KCNIP4: variants seen among roughly 807,000 people sequenced by gnomAD.
KCNIP4 encodes the protein potassium voltage-gated channel interacting protein 4.
KCNIP4 carries 12 observed loss-of-function variants against 34.0 expected under a neutral mutation model. That is an observed-to-expected ratio of 0.35 (90% CI 0.23 to 0.57). The LOEUF (loss-of-function observed/expected upper bound fraction) is 0.57. KCNIP4 is among the 20% of genes least tolerant of loss of function. The pLI, the probability that KCNIP4 is intolerant of heterozygous loss-of-function variation, is 0.83. For synonymous variants in KCNIP4, 124 were observed against 102.2 expected, an observed-to-expected ratio of 1.21 and a Z score of -1.29; for missense variants, 238 against 311.7, an observed-to-expected ratio of 0.76 and a Z score of 1.78.
intron 2 of KCNIP4, among the ~76,000 whole-genome samples, chr4:20,876,045 C>G (rs932119820): frequency 1.3e-5 from 2 of 152,056 alleles, no homozygotes; most frequent in African/African-American, 4.8e-5. Context: ...CCCATTTCTG[C>G]TCAAATAAAA....
rs114399366 is a variant in KCNIP4 at position 20,962,335 on chromosome 4, C to T, written c.62-79626G>A. Among the ~76,000 whole-genome samples, 937 of 152,308 alleles carry T rather than the reference C, an allele frequency of 6.2e-3. 13 individuals are homozygous for T. The highest frequency in any genetic ancestry group is 0.021 in the African/African-American group (888 of 41,572). On this transcript the variant is annotated intron_variant, in intron 1 of 8. Coordinates refer to ENST00000382152, the MANE Select transcript of KCNIP4 (RefSeq NM_025221.6). ...ACTCCCGACTGGGAGGCTGAGTCTG[C>T]CTAATTGTGGACCTAACCTGCAGGT... is the stretch of plus-strand genomic sequence containing the variant.
In KCNIP4 at chr4:21,935,762, T is replaced by G. The variant is rs902110248; in HGVS notation, c.61+12809A>C. Reference sequence around the variant, plus strand: ...TTCTCAGGCCAAATAATTATAAAAATGACCACAACTCACATTTATAGGGCC... The same window carrying G: ...TTCTCAGGCCAAATAATTATAAAAAGGACCACAACTCACATTTATAGGGCC... On this transcript the variant is annotated intron_variant, in intron 1 of 8. Transcript: ENST00000382152. Among the ~76,000 whole-genome samples, 10 of 152,198 alleles carry G rather than the reference T, an allele frequency of 6.6e-5. No individual in the cohort carries two copies. The East Asian group carries it at 1.9e-3, about 29-fold the overall frequency.
intron 1 of KCNIP4, among the ~76,000 whole-genome samples, chr4:20,977,189 G>A (rs1408806789): frequency 6.6e-6 from 1 of 152,122 alleles, no homozygotes; most frequent in Non-Finnish European, 1.5e-5. Flanking sequence ...GCTAATATGA[G>A]TAACAGCTGC....
chr4:21,236,973 T>G (rs1032413326), intron 1 of KCNIP4, among the ~76,000 whole-genome samples: 2 of 150,356 alleles, frequency 1.3e-5, no homozygotes, highest in East Asian at 2.0e-4. Flanking sequence ...GCCACTGCAC[T>G]CCAGCCTGGG....
At chr4:21,361,859 C>G (rs183735734) in intron 1 of KCNIP4, among the ~76,000 whole-genome samples, 113 of 152,132 alleles carry the variant, frequency 7.4e-4, no homozygotes, top group African/African-American at 2.6e-3. Flanking sequence ...ATATTTGTAA[C>G]TAAAATTAGC....
intron 1 of KCNIP4, among the ~76,000 whole-genome samples, chr4:21,549,976 CAATAA>C (rs1738436730): frequency 6.6e-6 from 1 of 151,940 alleles, no homozygotes; most frequent in Admixed American, 6.6e-5. Context: ...AGATTTATTC[CAATAA>C]AAGCAAGCTG....
chr4:21,295,791 ATATATTCCTT>A (rs957631031), intron 1 of KCNIP4, among the ~76,000 whole-genome samples: 3 of 152,070 alleles, frequency 2.0e-5, no homozygotes, highest in African/African-American at 4.8e-5. Context: ...ATATATTCCT[ATATATTCCTT>A]TATTTATATT....
At chr4:20,995,022 T>C (rs1737421409) in intron 1 of KCNIP4, among the ~76,000 whole-genome samples, 1 of 152,230 alleles carries the variant, frequency 6.6e-6, no homozygotes, top group Admixed American at 6.5e-5. Flanking sequence ...CCCTTCTGAA[T>C]GTCTACTTTT....
chr4:20,812,756 T>C (rs1310182505), intron 3 of KCNIP4, among the ~76,000 whole-genome samples: 1 of 152,092 alleles, frequency 6.6e-6, no homozygotes, highest in Non-Finnish European at 1.5e-5. Context: ...TTGAACTTGA[T>C]AGTATAAAGG....
At chr4:21,027,909 C>G (rs1010501299) in intron 1 of KCNIP4, among the ~76,000 whole-genome samples, 2 of 152,116 alleles carry the variant, frequency 1.3e-5, no homozygotes, top group Non-Finnish European at 2.9e-5. Flanking sequence ...TATTTCTAGT[C>G]TGAACCTCTA....
At chr4:21,914,777 G>A (rs771972282) in intron 1 of KCNIP4, among the ~76,000 whole-genome samples, 9 of 152,128 alleles carry the variant, frequency 5.9e-5, no homozygotes, top group South Asian at 4.2e-4. Context: ...GAGAGTCACC[G>A]CTGAGCTCCC....
rs77428899 is a variant in KCNIP4, at chr4:21,810,546, C to T, written c.61+138025G>A. ...TCTACTAAAAATACAAAAAACTAGC[C>T]GGGCATAGGGGCGGGCACCTGTAAT... is the stretch of plus-strand genomic sequence containing the variant. On this transcript the variant is annotated intron_variant, in intron 1 of 8. Coordinates refer to ENST00000382152, the MANE Select transcript of KCNIP4 (RefSeq NM_025221.6). 1.8e-3 allele frequency among the ~76,000 whole-genome samples: 270 copies of T among 152,048 alleles called. 2 individuals carry two copies. Among genetic ancestry groups the T allele is most frequent in the African/African-American group, 6.2e-3 (259 of 41,470 alleles).
intron 1 of KCNIP4, among the ~76,000 whole-genome samples, chr4:21,297,102 G>GTATATATA (rs35254813): frequency 7.6e-4 from 109 of 144,316 alleles, no homozygotes; most frequent in African/African-American, 2.1e-3. Flanking sequence ...TCAAATATGT[G>GTATATATA]TATATATATA....
chr4:21,457,687 A>G (rs1176536344), intron 1 of KCNIP4, among the ~76,000 whole-genome samples: 1 of 152,020 alleles, frequency 6.6e-6, no homozygotes, highest in East Asian at 1.9e-4. Context: ...GTATGGACAG[A>G]TGGAAGAAGT....
intron 8 of KCNIP4, chr4:20,731,662 A>G: frequency 2.0e-6 from 2 of 985,122 alleles, no homozygotes; most frequent in South Asian, 4.7e-5. Flanking sequence ...GATATGATAG[A>G]TAATATATGA....
chr4:20,735,695 CCTGA>C (rs1384838600), intron 5 of KCNIP4, among the ~76,000 whole-genome samples: 1 of 151,930 alleles, frequency 6.6e-6, no homozygotes, highest in African/African-American at 2.4e-5. Flanking sequence ...CGCCACCATG[CCTGA>C]CTAATTTTTG....
chr4:20,779,683 T>C (rs1154574), intron 3 of KCNIP4, among the ~76,000 whole-genome samples: 102,657 of 151,238 alleles, frequency 0.68, 35,045 homozygotes, highest in South Asian at 0.79. Flanking sequence ...CAAGTGGGCC[T>C]TTTAGGCTAT....
rs548459275 is a variant in KCNIP4, at chr4:20,809,660, T to C, written c.288+40883A>G. Among the ~76,000 whole-genome samples, 7 of 152,346 alleles carry C rather than the reference T, an allele frequency of 4.6e-5. No homozygotes were observed. The East Asian group carries it at 1.4e-3, about 29-fold the overall frequency. ...TCAATTACTGTCATTCTGGAAGTCA[T>C]AGGGTGCATTATCCTGTTTTCCTAT... On this transcript the variant is annotated intron_variant, in intron 3 of 8. Coordinates refer to ENST00000382152, the MANE Select transcript of KCNIP4 (RefSeq NM_025221.6).
intron 3 of KCNIP4, among the ~76,000 whole-genome samples, chr4:20,829,384 T>A (rs1327366957): frequency 6.6e-6 from 1 of 151,996 alleles, no homozygotes; most frequent in Non-Finnish European, 1.5e-5. Flanking sequence ...ATTTTTTGTA[T>A]TTTTAGTAGA....
Sources: allele counts gnomAD v4.1 joint callset (sites outside exome capture counted in the v4.1 genomes callset), GRCh38; gene constraint gnomAD v4.1.1; transcripts MANE v1.5; gene names NCBI Gene and HGNC (gene_info 2026-07-23, HGNC 2026-07-21).